FRMPD4: variants seen among roughly 807,000 people sequenced by gnomAD.
FRMPD4 encodes FERM and PDZ domain-containing protein 4.
A neutral mutation model predicts 94.1 loss-of-function variants in FRMPD4; 22 were observed. The ratio of observed to expected loss-of-function variants is 0.23; its 90% CI spans 0.17 to 0.33. The LOEUF is 0.33. Ranked by LOEUF, FRMPD4 falls within the 10% of genes least tolerant of loss-of-function variation. The pLI is 1.00. For synonymous variants in FRMPD4, 631 were observed against 548.6 expected (o/e 1.15, Z -2.10); for missense variants, 1,111 against 1,339.9 (o/e 0.83, Z 2.67).
At chrX:12,110,929 A>G (rs1243351336) in intron 3 of FRMPD4, among the ~76,000 whole-genome samples, 1 of 111,938 alleles carries the variant, frequency 8.9e-6, no homozygotes, top group Non-Finnish European at 1.9e-5. Context: ...GAGGACACAA[A>G]CAAATGGAAG....
chrX:12,073,929 CAG>C (rs2054991215), intron 3 of FRMPD4, among the ~76,000 whole-genome samples: 1 of 111,648 alleles, frequency 9.0e-6, no homozygotes, highest in African/African-American at 3.3e-5. Context: ...TCCATTCATT[CAG>C]ACTTAGTGGA....
chrX:11,888,000 A>G (rs1376064715), intron 3 of FRMPD4, among the ~76,000 whole-genome samples: 1 of 112,583 alleles, frequency 8.9e-6, no homozygotes, highest in Non-Finnish European at 1.9e-5. Context: ...GTAAGTGCAG[A>G]ATTTTCTTAC....
chrX:11,831,722 G>A (rs769508126), intron 1 of FRMPD4, among the ~76,000 whole-genome samples: 28 of 111,229 alleles, frequency 2.5e-4, no homozygotes, highest in South Asian at 7.7e-4. Context: ...AAAATGGGCC[G>A]GAGATAAATG....
At chrX:12,432,855 C>T (rs1034294172) in intron 1 of FRMPD4, among the ~76,000 whole-genome samples, 2 of 112,277 alleles carry the variant, frequency 1.8e-5, no homozygotes, top group African/African-American at 6.5e-5. Flanking sequence ...CCAGCCTTGG[C>T]CTCCCAAAGT....
At position 12,626,324 on chromosome X, in the gene FRMPD4, C is replaced by CAA. The variant is rs10715768; in HGVS notation, c.422+11457_422+11458dup. ...TGGGTGACAAAGTGAGATCCTGTCT[C>CAA]AAAAAAAAAAAAAAATCAATCCAAA... On this transcript the variant is annotated intron_variant, in intron 4 of 16. Transcript: ENST00000675598. 2.0e-3 allele frequency among the ~76,000 whole-genome samples: 151 copies of CAA among 74,494 alleles called. 1 individual carries two copies. The Middle Eastern group carries it at 0.021, about 10-fold the overall frequency. The allele number at this position is 74,494 out of a possible 115,157, so 64.7% of individuals were successfully genotyped here.
intron 2 of FRMPD4, among the ~76,000 whole-genome samples, chrX:12,591,554 A>G (rs2058983003): frequency 8.9e-6 from 1 of 112,178 alleles, no homozygotes; most frequent in Non-Finnish European, 1.9e-5. Context: ...ATAAAGTTTT[A>G]TGAGAACATC....
At chrX:12,224,327 C>T (rs1405128914) in intron 1 of FRMPD4, among the ~76,000 whole-genome samples, 1 of 110,768 alleles carries the variant, frequency 9.0e-6, no homozygotes, top group Non-Finnish European at 1.9e-5. Flanking sequence ...TGGCTCACTG[C>T]AACCTCAACC....
intron 1 of FRMPD4, among the ~76,000 whole-genome samples, chrX:12,166,001 G>T (rs1483564628): frequency 9.0e-6 from 1 of 111,692 alleles, no homozygotes; most frequent in Non-Finnish European, 1.9e-5. Context: ...TGCAAACAGG[G>T]ACAATTTGAC....
intron 1 of FRMPD4, among the ~76,000 whole-genome samples, chrX:12,157,753 A>G (rs1178165610): frequency 8.9e-6 from 1 of 112,476 alleles, no homozygotes; most frequent in African/African-American, 3.2e-5. Flanking sequence ...TAAGTCATAT[A>G]CATTAACCAG....
At chrX:12,635,676 C>T (rs1359974001) in intron 4 of FRMPD4, among the ~76,000 whole-genome samples, 1 of 111,312 alleles carries the variant, frequency 9.0e-6, no homozygotes, top group African/African-American at 3.3e-5. Flanking sequence ...TTTTCAGCAG[C>T]TGAGAGTGGG....
intron 3 of FRMPD4, among the ~76,000 whole-genome samples, chrX:11,955,043 C>A (rs927124970): frequency 1.8e-5 from 2 of 111,401 alleles, no homozygotes; most frequent in African/African-American, 6.5e-5. Flanking sequence ...CATGTTCAGG[C>A]AGATTTGATG....
intron 13 of FRMPD4, 142 bp from the exon 14 acceptor site, chrX:12,710,257 G>T: frequency 2.0e-6 from 1 of 505,626 alleles, no homozygotes; most frequent in Non-Finnish European, 3.3e-6. Context: ...TGTTATCCTT[G>T]GCTTTTTCTC....
rs34756228 is a variant in FRMPD4, at chrX:12,003,386, AGTGTGT to A, written c.95+125393_95+125398del. 1.8e-3 allele frequency among the ~76,000 whole-genome samples: 181 copies of A among 102,191 alleles called. 1 individual carries two copies. The highest frequency in any genetic ancestry group is 0.01 in the Middle Eastern group (2 of 199). The allele number at this position is 102,191 out of a possible 115,157, so 88.7% of individuals were successfully genotyped here. On this transcript the variant is annotated intron_variant, in intron 3 of 18. Coordinates refer to the FRMPD4 transcript ENST00000640291. ...CCCATTAACTTAATTCAGTTTGGCA[AGTGTGT>A]GTGTGTGTGTGTGTGTGTGTGTGTT...
chrX:12,538,846 A>C (rs1393865658), intron 2 of FRMPD4, among the ~76,000 whole-genome samples: 2 of 111,128 alleles, frequency 1.8e-5, no homozygotes, highest in Non-Finnish European at 3.8e-5. Context: ...AAAACCACAA[A>C]GATGGGGAAA....
At chrX:12,193,752 C>CAA (rs1555932523) in intron 1 of FRMPD4, among the ~76,000 whole-genome samples, 3 of 16,492 alleles carry the variant, frequency 1.8e-4, no homozygotes, top group Non-Finnish European at 2.7e-4. Flanking sequence ...CCGAAAGAAA[C>CAA]AGAAAGAAAG....
intron 2 of FRMPD4, among the ~76,000 whole-genome samples, chrX:12,511,711 GAGTA>G (rs1393623696): frequency 9.0e-6 from 1 of 111,063 alleles, no homozygotes; most frequent in African/African-American, 3.3e-5. Flanking sequence ...AAAAGAGAGG[GAGTA>G]AGTGTTATTT....
chrX:11,854,740 C>T (rs1459522077), intron 1 of FRMPD4, among the ~76,000 whole-genome samples: 4 of 112,685 alleles, frequency 3.5e-5, no homozygotes, highest in Non-Finnish European at 7.5e-5. Context: ...GCAGCTCCAC[C>T]CCCGTGGCTT....
At chrX:11,894,664 C>T (rs2053893053) in intron 3 of FRMPD4, among the ~76,000 whole-genome samples, 1 of 111,826 alleles carries the variant, frequency 8.9e-6, no homozygotes, top group South Asian at 3.8e-4. Context: ...CAGGAATCAG[C>T]GCTTTAGACT....
intron 3 of FRMPD4, among the ~76,000 whole-genome samples, chrX:12,033,719 C>T (rs747825190): frequency 2.7e-5 from 3 of 111,110 alleles, no homozygotes; most frequent in Non-Finnish European, 5.7e-5. Context: ...TATTTTGAGA[C>T]GGAGTTTCAC....
Sources: gnomAD v4.1 joint callset for allele counts (sites outside exome capture counted in the v4.1 genomes callset) on GRCh38, gnomAD v4.1.1 for gene constraint, MANE v1.5 for transcripts, NCBI Gene and HGNC (gene_info 2026-07-23, HGNC 2026-07-21) for gene names.